CDH18: variants seen among roughly 807,000 people sequenced by gnomAD.
CDH18 encodes cadherin 18.
CDH18 carries 31 observed loss-of-function variants against 67.9 expected under a neutral mutation model. That is an observed-to-expected ratio of 0.46 (90% CI 0.34 to 0.62). CDH18 has a LOEUF of 0.62. CDH18 is among the 20% of genes least tolerant of loss of function. The pLI is 0.01. For missense variants in CDH18, 890 were observed against 975.5 expected, an observed-to-expected ratio of 0.91 and a Z score of 1.17; for synonymous variants, 362 against 347.2, an observed-to-expected ratio of 1.04 and a Z score of -0.48.
intron 3 of CDH18, among the ~76,000 whole-genome samples, chr5:19,748,021 GA>G (rs1770283758): frequency 6.8e-6 from 1 of 146,512 alleles, no homozygotes; most frequent in African/African-American, 2.5e-5. Flanking sequence ...GCTGAGGCAG[GA>G]AAATGGCGTG....
intron 1 of CDH18, among the ~76,000 whole-genome samples, chr5:20,461,940 A>G (rs1751293334): frequency 6.6e-6 from 1 of 152,188 alleles, no homozygotes. Flanking sequence ...TAGGAAAGCC[A>G]CTATGAAAAA....
chr5:19,583,446 G>C (rs901902057), intron 7 of CDH18, among the ~76,000 whole-genome samples: 1 of 152,080 alleles, frequency 6.6e-6, no homozygotes, highest in African/African-American at 2.4e-5. Context: ...AGAGGAAGTT[G>C]ATTGCCAAGA....
chr5:19,890,448 A>G (rs1788666535), intron 2 of CDH18, among the ~76,000 whole-genome samples: 1 of 152,100 alleles, frequency 6.6e-6, no homozygotes, highest in Non-Finnish European at 1.5e-5. Flanking sequence ...TGCCTGCTAC[A>G]ATGGTCTTGT....
intron 2 of CDH18, among the ~76,000 whole-genome samples, chr5:19,866,577 A>T (rs1356354448): frequency 6.6e-6 from 1 of 152,158 alleles, no homozygotes; most frequent in South Asian, 2.1e-4. Flanking sequence ...AGTTTAATTA[A>T]AGTGCCAGGG....
At chr5:20,479,656 T>C (rs1311008762) in intron 1 of CDH18, among the ~76,000 whole-genome samples, 1 of 152,210 alleles carries the variant, frequency 6.6e-6, no homozygotes, top group East Asian at 1.9e-4. Context: ...TAGGAGTTAT[T>C]GGCCTTAAAA....
intron 1 of CDH18, among the ~76,000 whole-genome samples, chr5:20,404,360 T>C (rs897179856): frequency 6.6e-6 from 1 of 152,244 alleles, no homozygotes; most frequent in African/African-American, 2.4e-5. Context: ...GCAAAAGGCC[T>C]AGCTTTGGGT....
intron 5 of CDH18, 113 bp from the exon 6 acceptor site, chr5:19,612,714 A>G (rs1306030328): frequency 1.3e-6 from 1 of 789,618 alleles, no homozygotes; most frequent in Non-Finnish European, 2.0e-6. Context: ...TTTTTGGGAT[A>G]AAGTCACACG....
At chr5:19,514,802 T>C (rs959994440) in intron 10 of CDH18, among the ~76,000 whole-genome samples, 4 of 152,234 alleles carry the variant, frequency 2.6e-5, no homozygotes, top group Non-Finnish European at 4.4e-5. Flanking sequence ...AGGTTGCCTG[T>C]TCACTCTGAT....
intron 1 of CDH18, among the ~76,000 whole-genome samples, chr5:20,370,732 G>A (rs1269508714): frequency 6.6e-6 from 1 of 152,124 alleles, no homozygotes; most frequent in Non-Finnish European, 1.5e-5. Flanking sequence ...AGAGAAGAAA[G>A]TGTTACTAGT....
intron 2 of CDH18, among the ~76,000 whole-genome samples, chr5:19,965,921 A>G (rs1797392345): frequency 6.6e-6 from 1 of 152,204 alleles, no homozygotes; most frequent in Non-Finnish European, 1.5e-5. Context: ...GACAGTGTGC[A>G]TGCAGTACAA....
chr5:19,795,783 A>T (rs1407498129), intron 3 of CDH18, among the ~76,000 whole-genome samples: 1 of 152,184 alleles, frequency 6.6e-6, no homozygotes, highest in African/African-American at 2.4e-5. Context: ...AATTACTGGA[A>T]ATATCTGACA....
At chr5:20,385,948 C>T (rs528796110) in intron 1 of CDH18, among the ~76,000 whole-genome samples, 52 of 152,282 alleles carry the variant, frequency 3.4e-4, no homozygotes, top group African/African-American at 1.3e-3. Context: ...AGGAACTTAA[C>T]AAATCTCACT....
intron 2 of CDH18, among the ~76,000 whole-genome samples, chr5:20,203,523 A>C (rs1229632049): frequency 6.6e-6 from 1 of 151,884 alleles, no homozygotes; most frequent in East Asian, 1.9e-4. Context: ...TTCAAAGAAA[A>C]TCTGGGCTTG....
intron 1 of CDH18, among the ~76,000 whole-genome samples, chr5:20,315,634 T>C: frequency 6.6e-6 from 1 of 152,082 alleles, no homozygotes; most frequent in East Asian, 1.9e-4. Context: ...TTCTCCAAAA[T>C]ATGCTTAAGG....
intron 1 of CDH18, among the ~76,000 whole-genome samples, chr5:20,347,443 A>G (rs961631958): frequency 2.0e-5 from 3 of 152,178 alleles, no homozygotes; most frequent in Non-Finnish European, 4.4e-5. Context: ...GAGAGGAGGC[A>G]GTTAGGAGCT....
chr5:20,215,111 G>A (rs981439200), intron 2 of CDH18, among the ~76,000 whole-genome samples: 4 of 151,936 alleles, frequency 2.6e-5, no homozygotes, highest in African/African-American at 9.7e-5. Context: ...GAACATAGTA[G>A]AAATGCAAAT....
intron 1 of CDH18, among the ~76,000 whole-genome samples, chr5:20,369,299 C>A (rs1446953763): frequency 3.3e-5 from 5 of 152,072 alleles, no homozygotes; most frequent in Non-Finnish European, 7.4e-5. Flanking sequence ...AAGAAGCTGA[C>A]AACATTTGTC....
At chr5:20,015,872 AT>A (rs1389671921) in intron 2 of CDH18, among the ~76,000 whole-genome samples, 1 of 152,140 alleles carries the variant, frequency 6.6e-6, no homozygotes, top group Admixed American at 6.6e-5. Flanking sequence ...GTAAGACTGG[AT>A]GAAATTTTAG....
At chr5:20,135,224 C>T (rs1749602146) in intron 2 of CDH18, among the ~76,000 whole-genome samples, 1 of 152,082 alleles carries the variant, frequency 6.6e-6, no homozygotes, top group Admixed American at 6.6e-5. Context: ...CCATCTTTAC[C>T]ATGAAAACCT....
Sources: gnomAD v4.1 joint callset for allele counts (sites outside exome capture counted in the v4.1 genomes callset) on GRCh38, gnomAD v4.1.1 for gene constraint, MANE v1.5 for transcripts, NCBI Gene and HGNC (gene_info 2026-07-23, HGNC 2026-07-21) for gene names.